PALS2: variants seen among roughly 807,000 people sequenced by gnomAD.
PALS2 encodes protein associated with LIN7 2, MAGUK p55 family member.
A neutral mutation model predicts 61.6 loss-of-function variants in PALS2; 27 were observed. The ratio of observed to expected loss-of-function variants is 0.44; its 90% confidence interval spans 0.32 to 0.60. The LOEUF (loss-of-function observed/expected upper bound fraction) is 0.60, where lower values mean the gene tolerates loss of function less well. PALS2 is among the 20% of genes least tolerant of loss of function. PALS2 has a pLI of 0.05. For synonymous variants in PALS2, 236 were observed against 218.6 expected, an observed-to-expected ratio of 1.08 and a Z score of -0.70; for missense variants, 554 against 639.4, an observed-to-expected ratio of 0.87 and a Z score of 1.44.
intron 1 of PALS2, among the ~76,000 whole-genome samples, chr7:24,614,024 T>C (rs1171101978): frequency 6.6e-6 from 1 of 151,942 alleles, no homozygotes; most frequent in Non-Finnish European, 1.5e-5. Context: ...TGATGACTAT[T>C]ATGAATAGTG....
At chr7:24,617,686 G>A (rs955400641) in intron 1 of PALS2, among the ~76,000 whole-genome samples, 3 of 152,168 alleles carry the variant, frequency 2.0e-5, no homozygotes, top group African/African-American at 2.4e-5. Flanking sequence ...TTGTGGCTGC[G>A]ATGGTGCAGC....
intron 1 of PALS2, among the ~76,000 whole-genome samples, chr7:24,615,515 T>C (rs1051170004): frequency 3.3e-5 from 5 of 151,774 alleles, no homozygotes; most frequent in African/African-American, 1.2e-4. Context: ...CCTGGACATA[T>C]AAAACCTACC....
In PALS2 at chr7:24,670,903, A is replaced by G. The variant is rs145219550; in HGVS notation, c.1114+2243A>G. Among the ~76,000 whole-genome samples the G allele has an allele frequency of 4.0e-4, 61 of 152,304 alleles. 1 individual carries two copies. Among genetic ancestry groups the G allele is most frequent in the Middle Eastern group, 3.4e-3 (1 of 294 alleles). ...TGCTAAGTGATTATTATATGGCTAT[A>G]CCACATTTTATTTATATATTCATCA... is the stretch of plus-strand genomic sequence containing the variant. On this transcript the variant is annotated intron_variant, in intron 9 of 11. Coordinates refer to ENST00000222644, the MANE Select transcript of PALS2 (RefSeq NM_001303037.2).
chr7:24,593,903 C>A (rs1783397835), intron 1 of PALS2, among the ~76,000 whole-genome samples: 1 of 152,096 alleles, frequency 6.6e-6, no homozygotes, highest in Non-Finnish European at 1.5e-5. Context: ...TTGCCTCTAA[C>A]TAAAGAGTCA....
At chr7:24,581,902 A>T (rs941258911) in intron 1 of PALS2, among the ~76,000 whole-genome samples, 3 of 152,214 alleles carry the variant, frequency 2.0e-5, no homozygotes, top group African/African-American at 7.2e-5. Flanking sequence ...GTCATAAACG[A>T]TTGACACATA....
Position 24,687,505 on chromosome 7 carries a change from A to G in PALS2, c.1514A>G (p.Asp505Gly), listed in dbSNP as rs1788267502. The G allele has an allele frequency of 6.2e-7, 1 of 1,613,150 alleles. No individual in the cohort carries two copies. Among genetic ancestry groups the G allele is most frequent in the Non-Finnish European group, 8.5e-7 (1 of 1,179,656 alleles). The change falls in exon 12 of 12, where the codon GAT becomes GGT. Residue 505 changes from aspartate to glycine, a missense_variant. Physicochemically the swap from Asp to Gly is moderately conservative, Grantham distance 94 (BLOSUM62 -1). Transcript: ENST00000222644. The surrounding 1 kb of genome is among the most constrained non-coding windows in gnomAD (Gnocchi z 4.5). Reference sequence around the variant, plus strand: ...CAGAGAGCATACAACCACTATTTTGATTTGATCATCATAAATGATAATCTA... The same window carrying G: ...CAGAGAGCATACAACCACTATTTTGGTTTGATCATCATAAATGATAATCTA... ...RIQRAYNHYFDLIIINDNLDK... is the reference protein window; with the variant it reads ...RIQRAYNHYFGLIIINDNLDK...
intron 1 of PALS2, among the ~76,000 whole-genome samples, chr7:24,581,093 A>C (rs945746961): frequency 6.6e-6 from 1 of 152,172 alleles, no homozygotes; most frequent in Non-Finnish European, 1.5e-5. Context: ...GTCAACAGGG[A>C]CATTTTTCCT....
chr7:24,585,848 G>T (rs1340705215), intron 1 of PALS2, among the ~76,000 whole-genome samples: 1 of 152,034 alleles, frequency 6.6e-6, no homozygotes, highest in Non-Finnish European at 1.5e-5. Flanking sequence ...CCAGGCGCCC[G>T]CCACCTGCCT....
At chr7:24,686,528 G>A (rs1484314735) in intron 11 of PALS2, among the ~76,000 whole-genome samples, 3 of 152,178 alleles carry the variant, frequency 2.0e-5, no homozygotes, top group Non-Finnish European at 2.9e-5. Flanking sequence ...CAGCTTAACT[G>A]TAATTTACTA....
intron 1 of PALS2, among the ~76,000 whole-genome samples, chr7:24,588,242 T>C (rs578072021): frequency 1.3e-5 from 2 of 152,324 alleles, no homozygotes; most frequent in East Asian, 1.9e-4. Context: ...TGACCAGATA[T>C]CATCCTACCA....
At chr7:24,621,050 G>T (rs1164143557) in intron 1 of PALS2, among the ~76,000 whole-genome samples, 2 of 152,140 alleles carry the variant, frequency 1.3e-5, no homozygotes, top group Non-Finnish European at 2.9e-5. Flanking sequence ...CAGGACAAAA[G>T]TACTTTTAAA....
intron 3 of PALS2, among the ~76,000 whole-genome samples, chr7:24,644,806 C>G (rs187232766): frequency 1.3e-5 from 2 of 152,042 alleles, no homozygotes; most frequent in African/African-American, 4.8e-5. Flanking sequence ...TTAACAGCAT[C>G]TGGTATTTTT....
intron 2 of PALS2, chr7:24,624,107 C>T (rs1463452986): frequency 7.6e-7 from 1 of 1,315,998 alleles, no homozygotes; most frequent in African/African-American, 1.5e-5. Context: ...TCAACAATGG[C>T]AAAGTACTGA....
intron 9 of PALS2, among the ~76,000 whole-genome samples, chr7:24,671,205 G>T (rs189630262): frequency 6.6e-5 from 10 of 152,260 alleles, no homozygotes; most frequent in South Asian, 4.1e-4. Flanking sequence ...CTGGCTTTTT[G>T]ATTGTAGTCA....
intron 5 of PALS2, among the ~76,000 whole-genome samples, chr7:24,657,096 A>G (rs1490537580): frequency 6.6e-6 from 1 of 152,206 alleles, no homozygotes; most frequent in Non-Finnish European, 1.5e-5. Context: ...GACAAGTGAT[A>G]TTCCATTGCA....
chr7:24,636,476 CTA>C (rs1295003855), intron 2 of PALS2, among the ~76,000 whole-genome samples: 2 of 152,076 alleles, frequency 1.3e-5, no homozygotes, highest in African/African-American at 4.8e-5. Flanking sequence ...CAGTAGGTGA[CTA>C]TTGCAAATAA....
intron 1 of PALS2, among the ~76,000 whole-genome samples, chr7:24,611,982 A>C (rs77412781): frequency 0.017 from 2,528 of 152,102 alleles, 84 homozygotes; most frequent in African/African-American, 0.058. Flanking sequence ...GGGTGATGGA[A>C]AGAAACTGAT....
intron 2 of PALS2, chr7:24,624,250 C>A: frequency 1.7e-6 from 1 of 575,396 alleles, no homozygotes; most frequent in Non-Finnish European, 2.6e-6. Context: ...CTAGTCAACT[C>A]TGGAGTAATC....
chr7:24,626,247 G>A (rs1292229222), intron 2 of PALS2, among the ~76,000 whole-genome samples: 2 of 151,640 alleles, frequency 1.3e-5, no homozygotes, highest in East Asian at 1.9e-4. Context: ...AACAGAAGAG[G>A]GAATAAGTGA....
Sources: gnomAD v4.1 joint callset for allele counts (sites outside exome capture counted in the v4.1 genomes callset) on GRCh38, gnomAD v4.1.1 for gene constraint, Gnocchi (gnomAD v3.1) non-coding constraint, MANE v1.5 for transcripts, NCBI Gene and HGNC (gene_info 2026-07-23, HGNC 2026-07-21) for gene names.